LRRC4C: variants seen among roughly 807,000 people sequenced by gnomAD.
The protein encoded by LRRC4C is leucine-rich repeat-containing protein 4C.
A neutral mutation model predicts 33.6 loss-of-function variants in LRRC4C; 5 were observed. The observed-to-expected ratio is 0.15, with a 90% CI of 0.08 to 0.31. The LOEUF (loss-of-function observed/expected upper bound fraction) is 0.31. Ranked by LOEUF, LRRC4C falls within the 10% of genes least tolerant of loss-of-function variation. LRRC4C has a pLI of 1.00. For missense variants in LRRC4C, 560 were observed against 796.7 expected, an observed-to-expected ratio of 0.70 and a Z score of 3.58; for synonymous variants, 329 against 302.0, an observed-to-expected ratio of 1.09 and a Z score of -0.93.
intron 2 of LRRC4C, among the ~76,000 whole-genome samples, chr11:40,666,422 G>C (rs995922168): frequency 6.6e-6 from 1 of 152,084 alleles, no homozygotes; most frequent in Non-Finnish European, 1.5e-5. Flanking sequence ...GTAAGGAGGA[G>C]TCAGTTGTGT....
chr11:40,735,560 G>T (rs1305209753), intron 2 of LRRC4C, among the ~76,000 whole-genome samples: 4 of 143,440 alleles, frequency 2.8e-5, no homozygotes, highest in South Asian at 4.5e-4. Context: ...GTCTATCATT[G>T]TTGGACATTT....
intron 4 of LRRC4C, among the ~76,000 whole-genome samples, chr11:40,288,528 A>C (rs1028630417): frequency 2.6e-5 from 4 of 152,196 alleles, no homozygotes; most frequent in African/African-American, 9.7e-5. Context: ...CTAGAAGAAT[A>C]TTAAGGAAAT....
intron 1 of LRRC4C, among the ~76,000 whole-genome samples, chr11:41,089,611 C>T (rs1029811335): frequency 6.6e-6 from 1 of 151,996 alleles, no homozygotes; most frequent in Non-Finnish European, 1.5e-5. Flanking sequence ...AAAATTGGTG[C>T]ATTTTTACAA....
chr11:40,771,737 T>C (rs369649029), intron 2 of LRRC4C, among the ~76,000 whole-genome samples: 3 of 152,156 alleles, frequency 2.0e-5, no homozygotes, highest in African/African-American at 7.2e-5. Flanking sequence ...TGCTAAAGCA[T>C]AGCAATAGTC....
At chr11:40,367,188 T>G (rs1421061857) in intron 3 of LRRC4C, among the ~76,000 whole-genome samples, 1 of 152,068 alleles carries the variant, frequency 6.6e-6, no homozygotes, top group African/African-American at 2.4e-5. Flanking sequence ...ATTGTAGACA[T>G]TAATTTAATT....
intron 1 of LRRC4C, among the ~76,000 whole-genome samples, chr11:41,222,273 T>C (rs1004912882): frequency 2.0e-5 from 3 of 152,150 alleles, no homozygotes; most frequent in African/African-American, 7.2e-5. Context: ...AAAGGTTCTA[T>C]CACTTAACAG....
At chr11:40,582,133 C>T (rs1227520206) in intron 3 of LRRC4C, among the ~76,000 whole-genome samples, 1 of 152,042 alleles carries the variant, frequency 6.6e-6, no homozygotes, top group African/African-American at 2.4e-5. Context: ...GGTGTGAATA[C>T]ATGTGTTTCC....
chr11:41,246,246 A>G (rs1460008706), intron 1 of LRRC4C, among the ~76,000 whole-genome samples: 1 of 152,084 alleles, frequency 6.6e-6, no homozygotes, highest in African/African-American at 2.4e-5. Flanking sequence ...ATCGGCACCC[A>G]AAGTCCAGAG....
At chr11:40,589,585 C>T (rs1279679639) in intron 3 of LRRC4C, among the ~76,000 whole-genome samples, 2 of 151,812 alleles carry the variant, frequency 1.3e-5, no homozygotes, top group East Asian at 1.9e-4. Flanking sequence ...ATGGTCTTTA[C>T]ATTTTGGCAT....
intron 5 of LRRC4C, among the ~76,000 whole-genome samples, chr11:40,180,521 C>T (rs1860897880): frequency 6.6e-6 from 1 of 151,738 alleles, no homozygotes; most frequent in African/African-American, 2.4e-5. Flanking sequence ...TGACATGAAC[C>T]AAATCAATAG....
chr11:40,215,824 G>A (rs1863932551), intron 5 of LRRC4C, among the ~76,000 whole-genome samples: 1 of 152,086 alleles, frequency 6.6e-6, no homozygotes, highest in Non-Finnish European at 1.5e-5. Context: ...ACAAAGAAGA[G>A]AATTAAGAAC....
intron 2 of LRRC4C, among the ~76,000 whole-genome samples, chr11:40,693,104 G>GT (rs796070904): frequency 1.3e-5 from 2 of 152,056 alleles, no homozygotes; most frequent in African/African-American, 4.8e-5. Flanking sequence ...CGTGATTCTG[G>GT]TTTTTTACCG....
At chr11:40,823,275 T>C (rs79541932) in intron 2 of LRRC4C, among the ~76,000 whole-genome samples, 8,616 of 151,720 alleles carry the variant, frequency 0.057, 358 homozygotes, top group African/African-American at 0.1. Flanking sequence ...GTTGGGTGAA[T>C]GTCCTTAGTT....
At chr11:40,974,970 G>A (rs773980282) in intron 1 of LRRC4C, among the ~76,000 whole-genome samples, 1 of 152,092 alleles carries the variant, frequency 6.6e-6, no homozygotes, top group Admixed American at 6.6e-5. Flanking sequence ...AGCTTTTCTG[G>A]TTTTGAGGTG....
At chr11:40,582,648 C>G (rs1958522201) in intron 3 of LRRC4C, among the ~76,000 whole-genome samples, 1 of 151,546 alleles carries the variant, frequency 6.6e-6, no homozygotes, top group Non-Finnish European at 1.5e-5. Flanking sequence ...TCCCAAGGAG[C>G]TGGGATTACA....
At chr11:40,995,768 G>A (rs1479964591) in intron 1 of LRRC4C, among the ~76,000 whole-genome samples, 1 of 152,094 alleles carries the variant, frequency 6.6e-6, no homozygotes, top group Non-Finnish European at 1.5e-5. Context: ...AAGCTTAGGA[G>A]GCATCTCACT....
intron 5 of LRRC4C, among the ~76,000 whole-genome samples, chr11:40,180,543 T>G (rs1347569158): frequency 6.6e-6 from 1 of 152,204 alleles, no homozygotes; most frequent in Non-Finnish European, 1.5e-5. Flanking sequence ...ACTGAGGGAC[T>G]ACATAAAAGA....
intron 3 of LRRC4C, among the ~76,000 whole-genome samples, chr11:40,547,438 G>A (rs78204173): frequency 0.014 from 2,077 of 152,064 alleles, 47 homozygotes; most frequent in African/African-American, 0.047. Flanking sequence ...CAGTGAGTTC[G>A]GAGACTCTCT....
chr11:41,021,911 C>T (rs1000326752), intron 1 of LRRC4C, among the ~76,000 whole-genome samples: 69 of 151,838 alleles, frequency 4.5e-4, no homozygotes, highest in African/African-American at 1.6e-3. Context: ...CATATATTCT[C>T]ACTAATAAGG....
Sources: allele counts gnomAD v4.1 joint callset (sites outside exome capture counted in the v4.1 genomes callset), GRCh38; gene constraint gnomAD v4.1.1; transcripts MANE v1.5; gene names NCBI Gene and HGNC (gene_info 2026-07-23, HGNC 2026-07-21).